The following CREBBP variants were observed in gnomAD, a reference collection of about 807,000 sequenced individuals.
CREBBP encodes CREB binding lysine acetyltransferase.
Under a neutral mutation model 265.0 loss-of-function variants are expected in CREBBP, and 19 were observed. That is an observed-to-expected ratio of 0.07 (90% CI 0.05 to 0.11). The LOEUF is 0.11. Ranked by LOEUF, CREBBP falls within the 10% of genes least tolerant of loss-of-function variation. CREBBP has a pLI of 1.00. For synonymous variants in CREBBP, 1,457 were observed against 1,223.7 expected (o/e 1.19, Z -3.98); for missense variants, 2,525 against 3,219.0 (o/e 0.78, Z 5.22).
chr16:3,804,779 C>CA (rs942703832), intron 3 of CREBBP, among the ~76,000 whole-genome samples: 147 of 152,056 alleles, frequency 9.7e-4, no homozygotes, highest in African/African-American at 3.4e-3. Context: ...AAAAACAAAA[C>CA]AAAAAAAACC....
At chr16:3,846,824 T>G (rs565672439) in intron 2 of CREBBP, among the ~76,000 whole-genome samples, 1 of 152,314 alleles carries the variant, frequency 6.6e-6, no homozygotes, top group Admixed American at 6.5e-5. Flanking sequence ...GCAGGACAGA[T>G]AAGAAATAAT....
intron 2 of CREBBP, among the ~76,000 whole-genome samples, chr16:3,835,158 CCAAAA>C (rs574045112): frequency 6.6e-6 from 1 of 151,828 alleles, no homozygotes; most frequent in African/African-American, 2.4e-5. Flanking sequence ...GACTCCTTCT[CCAAAA>C]CAAAACAAAA....
rs2151311751 is a variant in CREBBP, at chr16:3,729,734, G to A, written c.5313C>T (p.Ser1771=). ...SKSPQESRRL[S]IQRCIQSLVH... ...CCAGCGACTGGATGCAGCGCTGGATGCTCAGCCGGCGTGACTCCTGGGGGC... is the reference window on the plus strand; with the variant it reads ...CCAGCGACTGGATGCAGCGCTGGATACTCAGCCGGCGTGACTCCTGGGGGC... The change falls in exon 31 of 31, where the codon AGC becomes AGT. Residue 1771 remains serine (S), a synonymous_variant. Transcript: ENST00000262367. The A allele has an allele frequency of 6.2e-7, 1 of 1,609,310 alleles. No homozygotes were observed. Among genetic ancestry groups the A allele is most frequent in the Non-Finnish European group, 8.5e-7 (1 of 1,179,158 alleles).
At chr16:3,836,117 A>C (rs1035563026) in intron 2 of CREBBP, among the ~76,000 whole-genome samples, 1 of 152,118 alleles carries the variant, frequency 6.6e-6, no homozygotes, top group African/African-American at 2.4e-5. Context: ...GTGAGGTCTG[A>C]GAACAGGCAA....
chr16:3,811,110 G>C (rs1171745210), intron 2 of CREBBP, among the ~76,000 whole-genome samples: 1 of 152,018 alleles, frequency 6.6e-6, no homozygotes, highest in Non-Finnish European at 1.5e-5. Flanking sequence ...TGCTACCCAA[G>C]GGGAATTCTT....
intron 2 of CREBBP, among the ~76,000 whole-genome samples, chr16:3,814,215 CTGTGTGTGTGTGTGTGTGTG>C (rs6145729): frequency 0.018 from 1,850 of 104,056 alleles, 25 homozygotes; most frequent in Middle Eastern, 0.066. Context: ...GAGTCTCGTT[CTGTGTGTGTGTGTGTGTGTG>C]TGTGTGTGTG....
At chr16:3,768,136 G>GGTTTTTT (rs2052904875) in intron 15 of CREBBP, among the ~76,000 whole-genome samples, 1 of 51,590 alleles carries the variant, frequency 1.9e-5, no homozygotes, top group African/African-American at 6.7e-5. Flanking sequence ...ATTTAAAAGT[G>GGTTTTTT]TTTTTTTTTT....
intron 2 of CREBBP, among the ~76,000 whole-genome samples, chr16:3,836,044 G>A (rs1465210138): frequency 1.3e-5 from 2 of 152,124 alleles, no homozygotes; most frequent in East Asian, 1.9e-4. Context: ...AACAAGTTGT[G>A]AGCAAAAGAA....
Position 3,822,486 on chromosome 16 carries a change from C to A in CREBBP, c.799-11707G>T, listed in dbSNP as rs370640955. On this transcript the variant is annotated intron_variant, in intron 2 of 30. Coordinates refer to ENST00000262367, the MANE Select transcript of CREBBP (RefSeq NM_004380.3). ...TTGGGGCAGGAAAACAGAACTAATT[C>A]TTGAACTGGGCAGGCCGTCAGCTCT... Among the ~76,000 whole-genome samples, 4 of 152,222 alleles carry A rather than the reference C, an allele frequency of 2.6e-5. No individual in the cohort carries two copies. The East Asian group carries it at 7.7e-4, about 29-fold the overall frequency.
chr16:3,832,201 T>C (rs2054357103), intron 2 of CREBBP, among the ~76,000 whole-genome samples: 1 of 152,000 alleles, frequency 6.6e-6, no homozygotes, highest in Middle Eastern at 3.2e-3. Context: ...TTTAAAACCT[T>C]CCCACAAGGA....
At chr16:3,794,817 T>C (rs2141290435) in intron 3 of CREBBP, among the ~76,000 whole-genome samples, 1 of 152,378 alleles carries the variant, frequency 6.6e-6, no homozygotes, top group African/African-American at 2.4e-5. Context: ...GAAGTGTTCC[T>C]AATGTGCAAC....
chr16:3,763,676 C>T (rs903189751), intron 16 of CREBBP, among the ~76,000 whole-genome samples: 2 of 152,072 alleles, frequency 1.3e-5, no homozygotes, highest in Admixed American at 6.5e-5. Context: ...GTTGGCCAGG[C>T]TGGTCTGGAA....
In CREBBP at chr16:3,727,506, C is replaced by CA. The variant is rs949249041; in HGVS notation, c.*211dup. The CA allele has an allele frequency of 2.2e-3, 305 of 140,158 alleles. No homozygotes were observed. The highest frequency in any genetic ancestry group is 8.0e-3 in the East Asian group (37 of 4,626). 8.7% of individuals were successfully genotyped at this position (140,158 alleles called of 1,614,324 possible). A position where few individuals can be genotyped will look rare whatever the true frequency, so the allele number is the denominator to read the frequency against. ...AAAAGAACCCCCCCCACCCCCCCGC[C>CA]AAAAAAAAACCAAAGAGAGAGACCA... On this transcript the variant is annotated 3_prime_UTR_variant, in exon 31 of 31. Transcript: ENST00000262367.
intron 2 of CREBBP, among the ~76,000 whole-genome samples, chr16:3,825,697 T>C (rs963789367): frequency 3.9e-5 from 6 of 152,218 alleles, no homozygotes; most frequent in South Asian, 2.1e-4. Flanking sequence ...GTGAGTAACT[T>C]TGCCTTTATT....
In CREBBP at chr16:3,731,414, G is replaced by A. The variant is rs1205830176; in HGVS notation, c.4950C>T (p.Val1650=). ...GPVINTLPPI[V]DPDPLLSCDL... ...CACAGCTGAGCAGGGGGTCGGGGTC[G>A]ACGATGGGGGGCAGGGTGTTGATGA... The change falls in exon 30 of 31, where the codon GTC becomes GTT. Residue 1650 remains valine (V), a synonymous_variant. Coordinates refer to ENST00000262367, the MANE Select transcript of CREBBP (RefSeq NM_004380.3). This position sits in a 1 kb window ranked among gnomAD's most constrained non-coding sequence, Gnocchi z 7.7. The A allele has an allele frequency of 8.1e-6, 13 of 1,605,854 alleles. No individual in the cohort carries two copies. Among genetic ancestry groups the A allele is most frequent in the Non-Finnish European group, 1.0e-5 (12 of 1,176,772 alleles).
Position 3,725,104 on chromosome 16 carries a change from C to T in CREBBP, c.*2614G>A, listed in dbSNP as rs1311323457. On this transcript the variant is annotated 3_prime_UTR_variant, in exon 31 of 31. Coordinates refer to ENST00000262367, the MANE Select transcript of CREBBP (RefSeq NM_004380.3). ...TTTTATTATAAACACCATCACATTT[C>T]AAGTTTCCTCTTTTTGATCACAAAT... 8.6e-6 allele frequency: 2 copies of T among 233,192 alleles called. No homozygotes were observed. Among genetic ancestry groups the T allele is most frequent in the Admixed American group, 5.6e-5 (1 of 17,770 alleles). The allele number at this position is 233,192 out of a possible 1,614,324, so 14.4% of individuals were successfully genotyped here. A position where few individuals can be genotyped will look rare whatever the true frequency, so the allele number is the denominator to read the frequency against.
chr16:3,730,515 T>G (rs771170152), intron 30 of CREBBP: 1 of 158,172 alleles, frequency 6.3e-6, no homozygotes, highest in Non-Finnish European at 1.4e-5. Flanking sequence ...ACCATGACTG[T>G]GTTCACAAAA....
At position 3,729,524 on chromosome 16, in the gene CREBBP, G is replaced by A. The variant is rs2151310183; in HGVS notation, c.5523C>T (p.Pro1841=). 6.2e-7 allele frequency: 1 copy of A among 1,614,202 alleles called. No individual in the cohort carries two copies. The highest frequency in any genetic ancestry group is 8.5e-7 in the Non-Finnish European group (1 of 1,180,012). Residue 1841 remains proline (P), a synonymous_variant, in exon 31 of 31, where the codon CCC becomes CCT. Coordinates refer to ENST00000262367, the MANE Select transcript of CREBBP (RefSeq NM_004380.3). The part of the protein sequence containing the change: ...KHCQENKCPV[P]FCLNIKHKLR... Reference sequence around the variant, plus strand: ...GCTTGTGTTTGATGTTGAGGCAGAAGGGCACGGGGCATTTGTTTTCTTGGC... The same window carrying A: ...GCTTGTGTTTGATGTTGAGGCAGAAAGGCACGGGGCATTTGTTTTCTTGGC...
intron 6 of CREBBP, 111 bp downstream of exon 6, chr16:3,782,573 C>T: frequency 7.2e-7 from 1 of 1,384,810 alleles, no homozygotes; most frequent in Non-Finnish European, 9.8e-7. Flanking sequence ...TTATTTCAAC[C>T]ACCGTAGTAA....
Sources: allele counts gnomAD v4.1 joint callset (sites outside exome capture counted in the v4.1 genomes callset), GRCh38; gene constraint gnomAD v4.1.1; non-coding constraint Gnocchi (gnomAD v3.1); transcripts MANE v1.5; gene names NCBI Gene and HGNC (gene_info 2026-07-23, HGNC 2026-07-21).